Variants in MYBL2 observed in about 807,000 individuals in gnomAD.
MYBL2 encodes myb-related protein B.
In MYBL2, 28 loss-of-function variants were observed where a neutral mutation model predicts 79.9. The observed-to-expected ratio is 0.35, with a 90% confidence interval of 0.26 to 0.48. MYBL2 has a LOEUF of 0.48. MYBL2 is among the 20% of genes least tolerant of loss of function. MYBL2 has a pLI of 0.99. For missense variants in MYBL2, 735 were observed against 893.9 expected, an observed-to-expected ratio of 0.82 and a Z score of 2.27; for synonymous variants, 378 against 361.2, an observed-to-expected ratio of 1.05 and a Z score of -0.53.
chr20:43,682,813 G>T lies in MYBL2; in HGVS notation c.206G>T (p.Cys69Phe). 6.2e-7 allele frequency: 1 copy of T among 1,614,080 alleles called. No homozygotes were observed. The highest frequency in any genetic ancestry group is 8.5e-7 in the Non-Finnish European group (1 of 1,179,936). ...SHFPNRTDQQ[C>F]QYRWLRVLNP... ...TCCCAGAACCGCACTGACCAGCAATGCCAGTACAGGTGGCTGAGAGTTTTG... is the reference window on the plus strand; with the variant it reads ...TCCCAGAACCGCACTGACCAGCAATTCCAGTACAGGTGGCTGAGAGTTTTG... The change falls in exon 4 of 14, where the codon TGC becomes TTC. Residue 69 changes from cysteine (C) to phenylalanine (F), a missense_variant. Around this residue, in one of 5 missense-constraint regions of MYBL2, gnomAD observed 79 missense variants for 86.7 expected, o/e 0.91. Coordinates refer to ENST00000217026, the MANE Select transcript of MYBL2 (RefSeq NM_002466.4).
At chr20:43,685,592 C>A (rs1268775477) in intron 4 of MYBL2, among the ~76,000 whole-genome samples, 3 of 151,976 alleles carry the variant, frequency 2.0e-5, no homozygotes, top group African/African-American at 7.3e-5. Context: ...ACCCTGTCTA[C>A]CAAAAAATAC....
chr20:43,667,492 G>T (rs1986746962), intron 1 of MYBL2, among the ~76,000 whole-genome samples, 189 bp downstream of exon 1: 1 of 152,172 alleles, frequency 6.6e-6, no homozygotes, highest in South Asian at 2.1e-4. Flanking sequence ...AAGCTGGGGG[G>T]CTCTTGGGCG....
At chr20:43,685,686 C>T (rs568545723) in intron 4 of MYBL2, among the ~76,000 whole-genome samples, 217 of 151,966 alleles carry the variant, frequency 1.4e-3, no homozygotes, top group South Asian at 8.1e-3. Flanking sequence ...ACCCAGGAGA[C>T]GGAGGTTGCA....
intron 6 of MYBL2, among the ~76,000 whole-genome samples, chr20:43,695,921 A>T (rs909916420): frequency 6.6e-6 from 1 of 152,116 alleles, no homozygotes; most frequent in Admixed American, 6.6e-5. Context: ...GAGGCACGAT[A>T]ATTGAGAATC....
At chr20:43,715,015 G>A in intron 12 of MYBL2, 119 bp from the exon 13 acceptor site, 1 of 1,186,698 alleles carries the variant, frequency 8.4e-7, no homozygotes, top group East Asian at 2.3e-5. Flanking sequence ...GGAAAAGTGT[G>A]TATCCTCTTT....
intron 2 of MYBL2, 130 bp from the exon 3 acceptor site, chr20:43,681,654 C>T (rs1987145199): frequency 2.2e-6 from 2 of 913,092 alleles, no homozygotes; most frequent in Non-Finnish European, 1.8e-6. Context: ...GTGCCTGGCA[C>T]CTTGTACGTA....
chr20:43,668,286 C>T (rs1055642228), intron 1 of MYBL2, among the ~76,000 whole-genome samples: 1 of 150,910 alleles, frequency 6.6e-6, no homozygotes, highest in African/African-American at 2.4e-5. Context: ...CTGCAACCTC[C>T]GCCTCCCAGG....
intron 6 of MYBL2, among the ~76,000 whole-genome samples, chr20:43,695,870 C>T (rs550753760): frequency 8.9e-4 from 136 of 152,090 alleles, no homozygotes; most frequent in Middle Eastern, 3.4e-3. Flanking sequence ...CTGAGGTGGG[C>T]GTGGTGACAC....
chr20:43,695,374 A>G (rs906577201), intron 6 of MYBL2, among the ~76,000 whole-genome samples: 2 of 152,036 alleles, frequency 1.3e-5, no homozygotes, highest in Admixed American at 1.3e-4. Flanking sequence ...TGTCTCTCCA[A>G]TGTGGTCTTT....
Position 43,697,005 on chromosome 20 carries a change from G to A in MYBL2, c.664-2752G>A, listed in dbSNP as rs1482834926. Among the ~76,000 whole-genome samples the A allele has an allele frequency of 4.6e-5, 7 of 152,304 alleles. No homozygotes were observed. The South Asian group carries it at 6.2e-4, about 13-fold the overall frequency. The stretch of plus-strand genomic sequence containing the variant: ...CTCCCAAAGTGCTGGGATTACAGGC[G>A]TGAGCCACTGCGCCCGGCCGGTTGA... On this transcript the variant is annotated intron_variant, in intron 6 of 13. Transcript: ENST00000217026.
intron 1 of MYBL2, among the ~76,000 whole-genome samples, chr20:43,668,061 C>T (rs1016959239): frequency 3.3e-5 from 5 of 152,092 alleles, no homozygotes; most frequent in Non-Finnish European, 5.9e-5. Context: ...GTCTGTGGCT[C>T]CAGATCCCTG....
chr20:43,696,079 A>G (rs1054215440), intron 6 of MYBL2, among the ~76,000 whole-genome samples: 1 of 152,180 alleles, frequency 6.6e-6, no homozygotes, highest in Non-Finnish European at 1.5e-5. Flanking sequence ...AGAATTTTGC[A>G]TGTTAATTCG....
Position 43,680,374 on chromosome 20 carries a change from T to G in MYBL2, c.115-1410T>G, listed in dbSNP as rs546535315. Reference sequence around the variant, plus strand: ...CTTCCTGTGAGTGGAATCCTGAGTATTTGCCCTGTCTGGCTATTTGACTTA... The same window carrying G: ...CTTCCTGTGAGTGGAATCCTGAGTAGTTGCCCTGTCTGGCTATTTGACTTA... On this transcript the variant is annotated intron_variant, in intron 2 of 13. Transcript: ENST00000217026. Among the ~76,000 whole-genome samples, 15 of 152,348 alleles carry G rather than the reference T, an allele frequency of 9.8e-5. No homozygotes were observed. In the South Asian group the frequency reaches 3.1e-3, roughly 32 times the overall value.
At chr20:43,714,534 T>G (rs545538279) in intron 12 of MYBL2, among the ~76,000 whole-genome samples, 82 of 152,272 alleles carry the variant, frequency 5.4e-4, no homozygotes, top group Admixed American at 9.2e-4. Flanking sequence ...GACACACCAC[T>G]GAATCAGGCT....
chr20:43,701,407 G>A (rs988652242), intron 7 of MYBL2, among the ~76,000 whole-genome samples: 2 of 152,282 alleles, frequency 1.3e-5, no homozygotes, highest in East Asian at 3.9e-4. Flanking sequence ...ACCAGAACTC[G>A]GCTTTAGTGT....
chr20:43,678,012 C>A (rs937058577), intron 2 of MYBL2, among the ~76,000 whole-genome samples: 1 of 152,142 alleles, frequency 6.6e-6, no homozygotes, highest in Non-Finnish European at 1.5e-5. Context: ...TACCCCCAAC[C>A]CTGTGCTCTC....
chr20:43,701,599 TG>T (rs1206409047), intron 7 of MYBL2, among the ~76,000 whole-genome samples: 16 of 152,208 alleles, frequency 1.1e-4, no homozygotes, highest in Admixed American at 6.5e-4. Flanking sequence ...TCAGCTTCCT[TG>T]GTATGAAAGG....
chr20:43,668,549 C>G (rs1381301531), intron 1 of MYBL2, among the ~76,000 whole-genome samples: 1 of 152,044 alleles, frequency 6.6e-6, no homozygotes, highest in African/African-American at 2.4e-5. Context: ...ATGAAGCCTT[C>G]CATCCCTCTA....
At chr20:43,670,170 C>A (rs1313395613) in intron 1 of MYBL2, among the ~76,000 whole-genome samples, 1 of 152,214 alleles carries the variant, frequency 6.6e-6, no homozygotes, top group East Asian at 1.9e-4. Context: ...GACATCATTT[C>A]ATCCTTGAAA....
Sources: allele counts gnomAD v4.1 joint callset (sites outside exome capture counted in the v4.1 genomes callset), GRCh38; gene constraint gnomAD v4.1.1; regional missense constraint gnomAD v4.1.1; transcripts MANE v1.5; gene names NCBI Gene and HGNC (gene_info 2026-07-23, HGNC 2026-07-21).